The following H2BC18 variants were observed in gnomAD, a reference collection of about 807,000 sequenced individuals.
H2BC18 encodes H2B clustered histone 18, also known as histone H2B type 2-F.
Under a neutral mutation model 6.3 loss-of-function variants are expected in H2BC18, and 8 were observed. That is an observed-to-expected ratio of 1.28 (90% CI 0.75 to 2.31). H2BC18 has a LOEUF of 2.31. Among genes scored for constraint, H2BC18 ranks in the 30% most tolerant of loss-of-function variants. H2BC18 has a pLI of 0.00. For synonymous variants in H2BC18, 104 were observed against 78.1 expected, an observed-to-expected ratio of 1.33 and a Z score of -1.75; for missense variants, 106 against 174.5, an observed-to-expected ratio of 0.61 and a Z score of 2.21.
chr1:149,789,387 C>T (rs1405668590), intron 1 of H2BC18, among the ~76,000 whole-genome samples: 6 of 131,802 alleles, frequency 4.6e-5, no homozygotes, highest in African/African-American at 9.0e-5. Flanking sequence ...AGCGAGACTA[C>T]GTCTCAAATA....
chr1:149,791,548 A>G, intron 1 of H2BC18: 1 of 1,609,900 alleles, frequency 6.2e-7, no homozygotes, highest in South Asian at 1.1e-5. Context: ...ATCGATCTGG[A>G]CCGTCCCCTG....
chr1:149,812,362 A>G lies in H2BC18; in HGVS notation c.-39T>C. The G allele has an allele frequency of 6.2e-7, 1 of 1,613,880 alleles. No individual in the cohort carries two copies. The highest frequency in any genetic ancestry group is 8.5e-7 in the Non-Finnish European group (1 of 1,179,898). On this transcript the variant is annotated 5_prime_UTR_variant, in exon 1 of 1. Transcript: ENST00000369167. ...AAGAGAAAAGAGACTTAAAGAAGTA[A>G]TCCGAACTACCGCAAAACGGGCTGG...
At chr1:149,811,700 A>G (rs772228006), downstream of H2BC18, 256 of 623,872 alleles carry the variant, frequency 4.1e-4, no homozygotes, top group Non-Finnish European at 6.4e-4. Flanking sequence ...ATCTCGTAGC[A>G]CAGATAACAA....
intron 1 of H2BC18, chr1:149,788,229 G>C: frequency 6.3e-7 from 1 of 1,594,034 alleles, no homozygotes; most frequent in South Asian, 1.1e-5. Context: ...TTGAGGAACT[G>C]GATATAGGCC....
downstream of H2BC18, among the ~76,000 whole-genome samples, chr1:149,808,487 G>T (rs1158224423): frequency 6.6e-6 from 1 of 151,834 alleles, no homozygotes; most frequent in Non-Finnish European, 1.5e-5. Context: ...CTCTCTTTTA[G>T]ATTCATTTAC....
In H2BC18 at chr1:149,793,660, C is replaced by G. The variant is rs587615002; in HGVS notation, c.378-10400G>C. Among the ~76,000 whole-genome samples the G allele has an allele frequency of 9.2e-5, 14 of 151,858 alleles. No individual in the cohort carries two copies. In the South Asian group the frequency reaches 1.0e-3, roughly 11 times the overall value. ...ATCCGAGAGCTTCCAAGCCAAAGCA[C>G]AGCTCCCCAGAGTGGACAAGTGGAG... On this transcript the variant is annotated intron_variant, in intron 1 of 1. Transcript: ENST00000545683.
intron 1 of H2BC18, chr1:149,794,135 G>A (rs781790609): frequency 7.6e-6 from 3 of 394,024 alleles, no homozygotes; most frequent in South Asian, 5.4e-5. Context: ...AGGAGTCTAG[G>A]TGAGAGGCAG....
chr1:149,812,295 G>A lies in H2BC18; in HGVS notation c.29C>T (p.Ala10Val). The change falls in exon 1 of 1, where the codon GCT becomes GTT. Residue 10 changes from alanine (A) to valine (V), a missense_variant. Transcript: ENST00000369167. The stretch of plus-strand genomic sequence containing the variant: ...AGCCTTTTTGGAGCCCTTCTTGGGA[G>A]CAGGAGCGGATTTCGCTGGATCCGG... MPDPAKSAP[A>V]PKKGSKKAVT... 4.3e-6 allele frequency: 7 copies of A among 1,614,222 alleles called. No individual in the cohort carries two copies. The highest frequency in any genetic ancestry group is 1.7e-5 in the Admixed American group (1 of 60,032).
chr1:149,792,634 T>C, intron 1 of H2BC18: 1 of 1,265,464 alleles, frequency 7.9e-7, no homozygotes, highest in African/African-American at 1.6e-5. Flanking sequence ...CGCATGTGCA[T>C]ATTGCAGCCT....
chr1:149,807,718 C>A (rs1264220047), downstream of H2BC18, among the ~76,000 whole-genome samples: 1 of 151,864 alleles, frequency 6.6e-6, no homozygotes, highest in Non-Finnish European at 1.5e-5. Flanking sequence ...GCAGGAGAAT[C>A]GCTTGAACCC....
rs1184328798 is a variant in H2BC18 at position 149,789,388 on chromosome 1, G to A, written c.378-6128C>T. ...AGCCTGGGCAACAGAGCGAGACTAC[G>A]TCTCAAATAATAATAATAATAATAA... On this transcript the variant is annotated intron_variant, in intron 1 of 1. Transcript: ENST00000545683. 8.4e-5 allele frequency among the ~76,000 whole-genome samples: 11 copies of A among 130,786 alleles called. No homozygotes were observed. In the South Asian group the frequency reaches 9.0e-4, roughly 11 times the overall value. The allele number at this position is 130,786 out of a possible 152,430, so 85.8% of individuals were successfully genotyped here. A position where few individuals can be genotyped will look rare whatever the true frequency, so the allele number is the denominator to read the frequency against.
intron 1 of H2BC18, chr1:149,786,120 T>C (rs1553750818): frequency 6.6e-6 from 1 of 152,178 alleles, no homozygotes; most frequent in African/African-American, 2.4e-5. Context: ...ATTACTAATG[T>C]TTGACAGTAT....
intron 1 of H2BC18, chr1:149,786,781 G>A (rs587683125): frequency 6.6e-6 from 1 of 152,250 alleles, no homozygotes; most frequent in South Asian, 2.1e-4. Context: ...TTTTATTCAT[G>A]AATTACTTAG....
At position 149,812,245 on chromosome 1, in the gene H2BC18, C is replaced by T. The variant is rs2091986511; in HGVS notation, c.79G>A (p.Gly27Ser). 9 of 1,614,256 alleles carry T rather than the reference C, an allele frequency of 5.6e-6. No homozygotes were observed. Among genetic ancestry groups the T allele is most frequent in the South Asian group, 4.4e-5 (4 of 91,088 alleles). ...KAVTKVQKKD[G>S]KKRKRSRKES... is the part of the protein sequence containing the mutation. ...TTGCGGCTGCGCTTGCGCTTCTTGC[C>T]GTCCTTCTTCTGCACTTTCGTAACA... The change falls in exon 1 of 1, where the codon GGC (glycine) becomes AGC (serine). Residue 27 changes from glycine to serine, a missense_variant. Physicochemically the swap from Gly to Ser is moderately conservative, Grantham distance 56. Transcript: ENST00000369167.
downstream of H2BC18, chr1:149,810,652 C>T (rs587739353): frequency 1.3e-5 from 2 of 152,054 alleles, no homozygotes; most frequent in East Asian, 3.9e-4. Context: ...AAGTTTTGAA[C>T]TGAGAGGTCT....
chr1:149,791,499 G>A, intron 1 of H2BC18: 1 of 1,609,624 alleles, frequency 6.2e-7, no homozygotes, highest in East Asian at 2.2e-5. Context: ...ACCGGAAGGA[G>A]CCCCAGGGGG....
At chr1:149,805,503 G>A (rs2091909119) in intron 1 of H2BC18, 1 of 151,192 alleles carries the variant, frequency 6.6e-6, no homozygotes, top group African/African-American at 2.4e-5. Flanking sequence ...ACTGGTATGT[G>A]GACCTCGGTG....
chr1:149,785,102 G>A (rs1177384997), intron 1 of H2BC18, among the ~76,000 whole-genome samples: 47 of 152,306 alleles, frequency 3.1e-4, no homozygotes, highest in African/African-American at 1.1e-3. Context: ...TCAAGAGATG[G>A]AGACTGCAAT....
chr1:149,793,758 C>T (rs1210485406), intron 1 of H2BC18, among the ~76,000 whole-genome samples: 1 of 151,718 alleles, frequency 6.6e-6, no homozygotes, highest in Non-Finnish European at 1.5e-5. Context: ...GTATGGAGAC[C>T]TCTAAATTCA....
Sources: allele counts gnomAD v4.1 joint callset (sites outside exome capture counted in the v4.1 genomes callset), GRCh38; gene constraint gnomAD v4.1.1; transcripts MANE v1.5; gene names NCBI Gene and HGNC (gene_info 2026-07-23, HGNC 2026-07-21).